Variants in UPF3B observed in about 807,000 individuals in gnomAD.
UPF3B encodes regulator of nonsense transcripts 3B.
In UPF3B, 7 loss-of-function variants were observed where a neutral mutation model predicts 40.3. The observed-to-expected ratio is 0.17, with a 90% CI of 0.10 to 0.33. UPF3B has a LOEUF of 0.33. Among genes scored for constraint, UPF3B ranks in the 10% least tolerant of loss-of-function variants. The pLI, the probability that UPF3B is intolerant of heterozygous loss-of-function variation, is 1.00. For synonymous variants in UPF3B, 117 were observed against 117.3 expected, an observed-to-expected ratio of 1.00 and a Z score of 0.01; for missense variants, 229 against 358.9, an observed-to-expected ratio of 0.64 and a Z score of 2.93.
Position 119,834,383 on chromosome X carries a change from T to C in UPF3B, c.*495A>G. ...CGAAAGTGTGTTCTATCCTTCACTG[T>C]ACCTGTACTACAAGGACATGCTTGT... On this transcript the variant is annotated 3_prime_UTR_variant, in exon 11 of 11. Transcript: ENST00000276201. 1.3e-6 allele frequency: 1 copy of C among 778,582 alleles called. No homozygotes were observed. Among genetic ancestry groups the C allele is most frequent in the Non-Finnish European group, 1.5e-6 (1 of 654,143 alleles). The allele number at this position is 778,582 out of a possible 1,213,427, so 64.2% of individuals were successfully genotyped here. A position where few individuals can be genotyped will look rare whatever the true frequency, so the allele number is the denominator to read the frequency against.
intron 4 of UPF3B, among the ~76,000 whole-genome samples, chrX:119,816,432 G>A (rs2055865785): frequency 9.0e-6 from 1 of 111,594 alleles, no homozygotes; most frequent in Non-Finnish European, 1.9e-5. Context: ...CGTGCACAAG[G>A]ACTTATTTGA....
At chrX:119,828,071 C>T (rs768292057) in intron 3 of UPF3B, among the ~76,000 whole-genome samples, 8 of 104,717 alleles carry the variant, frequency 7.6e-5, no homozygotes, top group African/African-American at 2.5e-4. Context: ...CTTCTTTTTT[C>T]GAGCCGGAGT....
intron 4 of UPF3B, among the ~76,000 whole-genome samples, chrX:119,820,281 C>T (rs1340627712): frequency 9.0e-6 from 1 of 111,545 alleles, no homozygotes; most frequent in African/African-American, 3.3e-5. Flanking sequence ...GAAGTTTGGA[C>T]TACAGGTGTG....
rs1324709378 is a variant in UPF3B, at chrX:119,823,556, CTCTTTTTT to C, written c.393-521_393-514del. On this transcript the variant is annotated intron_variant, in intron 3 of 6. Transcript: ENST00000636792. ...CTGGCCCATTTCTTTTCTTTTTTTC[CTCTTTTTT>C]TTTTTTTTTTTTTGTCTGAGACAGA... is the stretch of plus-strand genomic sequence containing the variant. Among the ~76,000 whole-genome samples, 75 of 42,085 alleles carry C rather than the reference CTCTTTTTT, an allele frequency of 1.8e-3. No homozygotes were observed. The East Asian group carries it at 0.026, about 14-fold the overall frequency. The allele number at this position is 42,085 out of a possible 115,157, so 36.5% of individuals were successfully genotyped here.
At chrX:119,848,171 A>T (rs756342685) in intron 3 of UPF3B, among the ~76,000 whole-genome samples, 1 of 105,771 alleles carries the variant, frequency 9.5e-6, no homozygotes, top group Non-Finnish European at 1.9e-5. Flanking sequence ...AATCCCAGCT[A>T]CTTGGGAGGC....
At chrX:119,822,632 A>G (rs1347849662) in intron 4 of UPF3B, among the ~76,000 whole-genome samples, 1 of 110,732 alleles carries the variant, frequency 9.0e-6, no homozygotes, top group Admixed American at 9.7e-5. Flanking sequence ...TTGGAGATAG[A>G]GCCTCCCTAG....
chrX:119,820,195 G>A (rs775820643), intron 4 of UPF3B, among the ~76,000 whole-genome samples: 9 of 111,867 alleles, frequency 8.0e-5, no homozygotes, highest in Non-Finnish European at 1.1e-4. Context: ...TCAGGCAGGA[G>A]TGCAGTGGTG....
At chrX:119,836,775 C>T (rs187782020) in intron 10 of UPF3B, among the ~76,000 whole-genome samples, 4 of 108,019 alleles carry the variant, frequency 3.7e-5, no homozygotes, top group African/African-American at 1.4e-4. Flanking sequence ...CTCAGCCTCC[C>T]GAGTAGCTGG....
intron 4 of UPF3B, among the ~76,000 whole-genome samples, chrX:119,822,248 G>A (rs2055928289): frequency 8.9e-6 from 1 of 112,565 alleles, no homozygotes; most frequent in African/African-American, 3.2e-5. Flanking sequence ...GGACATGCTT[G>A]TTGCTTCTAC....
At chrX:119,827,061 C>T (rs1015181844) in intron 3 of UPF3B, among the ~76,000 whole-genome samples, 1 of 111,966 alleles carries the variant, frequency 8.9e-6, no homozygotes, top group South Asian at 3.7e-4. Context: ...TTTTCTACCA[C>T]GGCAATGCTC....
intron 9 of UPF3B, 114 bp from the exon 10 acceptor site, chrX:119,838,165 T>A: frequency 1.0e-6 from 1 of 989,083 alleles, no homozygotes; most frequent in Non-Finnish European, 1.4e-6. Flanking sequence ...TAGAGCAGAG[T>A]GAAAAATACT....
At chrX:119,814,859 C>CTTTTTTTTTTTTTTTTTTTTTTTTT (rs140201169) in intron 5 of UPF3B, among the ~76,000 whole-genome samples, 1 of 46,263 alleles carries the variant, frequency 2.2e-5, no homozygotes, top group Admixed American at 3.6e-4. Context: ...TTCTTTCTTT[C>CTTTTTTTTTTTTTTTTTTTTTTTTT]TTTTTTTTTT....
At chrX:119,847,720 T>C (rs886138026) in intron 3 of UPF3B, among the ~76,000 whole-genome samples, 2 of 109,577 alleles carry the variant, frequency 1.8e-5, no homozygotes, top group Non-Finnish European at 3.8e-5. Context: ...TGAGCCAAGA[T>C]CATGCCACTG....
intron 3 of UPF3B, among the ~76,000 whole-genome samples, chrX:119,826,465 G>A (rs2055980212): frequency 9.0e-6 from 1 of 111,089 alleles, no homozygotes. Context: ...CTGGGCGACA[G>A]GGCGAGTCCA....
chrX:119,839,012 C>T (rs2056132610), intron 8 of UPF3B, among the ~76,000 whole-genome samples: 1 of 111,686 alleles, frequency 9.0e-6, no homozygotes, highest in Non-Finnish European at 1.9e-5. Flanking sequence ...TCTGGGCTCA[C>T]ACCATCCTTC....
intron 3 of UPF3B, among the ~76,000 whole-genome samples, chrX:119,845,548 T>C (rs2056217731): frequency 8.9e-6 from 1 of 112,370 alleles, no homozygotes; most frequent in Non-Finnish European, 1.9e-5. Context: ...TTATAAAATG[T>C]GATATTTTAA....
Position 119,834,222 on chromosome X carries a change from T to C in UPF3B, c.*656A>G. 1 of 754,967 alleles carries C rather than the reference T, an allele frequency of 1.3e-6. No homozygotes were observed. Among genetic ancestry groups the C allele is most frequent in the Non-Finnish European group, 1.6e-6 (1 of 639,358 alleles). 62.2% of individuals were successfully genotyped at this position (754,967 alleles called of 1,213,427 possible). A position where few individuals can be genotyped will look rare whatever the true frequency, so the allele number is the denominator to read the frequency against. Reference sequence around the variant, plus strand: ...ACATTTTACCTCTTAATAGAAAAGATGCTGATGACAAAACACGAAGTTTAA... The same window carrying C: ...ACATTTTACCTCTTAATAGAAAAGACGCTGATGACAAAACACGAAGTTTAA... On this transcript the variant is annotated 3_prime_UTR_variant, in exon 11 of 11. Transcript: ENST00000276201.
At chrX:119,814,267 A>T (rs765086193) in intron 5 of UPF3B, among the ~76,000 whole-genome samples, 111 of 111,982 alleles carry the variant, frequency 9.9e-4, no homozygotes, top group African/African-American at 3.5e-3. Flanking sequence ...GATTGTCAAG[A>T]ATCCAACAAG....
At chrX:119,826,655 G>A (rs530163318) in intron 3 of UPF3B, among the ~76,000 whole-genome samples, 2 of 112,382 alleles carry the variant, frequency 1.8e-5, no homozygotes, top group South Asian at 7.3e-4. Context: ...TTGTAAACAA[G>A]TGGGATCTAT....
Sources: gnomAD v4.1 joint callset for allele counts (sites outside exome capture counted in the v4.1 genomes callset) on GRCh38, gnomAD v4.1.1 for gene constraint, MANE v1.5 for transcripts, NCBI Gene and HGNC (gene_info 2026-07-23, HGNC 2026-07-21) for gene names.